RGL3: variants seen among roughly 807,000 people sequenced by gnomAD.
RGL3 encodes the protein ral guanine nucleotide dissociation stimulator-like 3.
Under a neutral mutation model 90.6 loss-of-function variants are expected in RGL3, and 85 were observed. The observed-to-expected ratio is 0.94, with a 90% CI of 0.79 to 1.12. RGL3 has a LOEUF of 1.12. Ranked by LOEUF, RGL3 falls within the 50% of genes most tolerant of loss-of-function variation. The probability of loss-of-function intolerance (pLI) is 0.00; values close to 1 mark genes in which losing one functional copy is unlikely to be tolerated. For missense variants in RGL3, 1,034 were observed against 939.2 expected (o/e 1.10, Z -1.32); for synonymous variants, 408 against 385.5 (o/e 1.06, Z -0.68).
intron 5 of RGL3, among the ~76,000 whole-genome samples, chr19:11,414,110 T>C (rs1968917704): frequency 1.6e-5 from 2 of 123,292 alleles, no homozygotes; most frequent in African/African-American, 3.1e-5. Flanking sequence ...GGAGCTCTAA[T>C]GACTTGGAAT....
intron 18 of RGL3, 137 bp downstream of exon 18, chr19:11,397,107 A>T: frequency 1.5e-6 from 1 of 674,196 alleles, no homozygotes; most frequent in East Asian, 2.6e-5. Context: ...TCCACTGATT[A>T]TCTTACCCCT....
In RGL3 at chr19:11,414,231, TTA is replaced by T. The variant is rs549575988; in HGVS notation, c.637+1704_637+1705del. ...TATATACCTTTATATATATATACCT[TTA>T]TATATATATATACCTTTATATATAT... On this transcript the variant is annotated intron_variant, in intron 5 of 18. Transcript: ENST00000380456. Among the ~76,000 whole-genome samples the T allele has an allele frequency of 6.0e-3, 434 of 72,440 alleles. 16 individuals are homozygous for T. The highest frequency in any genetic ancestry group is 0.016 in the African/African-American group (288 of 17,494). 47.5% of individuals were successfully genotyped at this position (72,440 alleles called of 152,430 possible). A position where few individuals can be genotyped will look rare whatever the true frequency, so the allele number is the denominator to read the frequency against.
rs534577845 is a variant in RGL3, at chr19:11,416,387, C to T, written c.425+227G>A. 79 of 619,222 alleles carry T rather than the reference C, an allele frequency of 1.3e-4. No individual in the cohort carries two copies. The South Asian group carries it at 1.3e-3, about 10-fold the overall frequency. The allele number at this position is 619,222 out of a possible 1,614,324, so 38.4% of individuals were successfully genotyped here. ...GTTGTTGTTGTATTTTTAGTAGAGA[C>T]AGGGTTTCGCCATATTGGCCAGGAT... is the stretch of plus-strand genomic sequence containing the variant. On this transcript the variant is annotated intron_variant, in intron 4 of 18. Transcript: ENST00000380456.
chr19:11,418,918 AG>A, intron 1 of RGL3, 134 bp from the exon 2 acceptor site: 2 of 730,358 alleles, frequency 2.7e-6, no homozygotes, highest in Non-Finnish European at 4.3e-6. Context: ...CTGCGAGACT[AG>A]GGCTGGGGTC....
chr19:11,417,619 G>A (rs1043202499), intron 2 of RGL3, among the ~76,000 whole-genome samples: 2 of 150,528 alleles, frequency 1.3e-5, no homozygotes, highest in African/African-American at 4.9e-5. Flanking sequence ...ACAGGCACCC[G>A]CCACCAAGCC....
At chr19:11,416,253 G>A (rs1292717055) in intron 4 of RGL3, 105 bp from the exon 5 acceptor site, 2 of 861,600 alleles carry the variant, frequency 2.3e-6, no homozygotes, top group Non-Finnish European at 3.4e-6. Context: ...GAGTCTTACT[G>A]TGTCACCAAG....
chr19:11,411,068 G>A (rs940872684), intron 5 of RGL3, among the ~76,000 whole-genome samples: 10 of 151,908 alleles, frequency 6.6e-5, no homozygotes, highest in African/African-American at 2.4e-4. Context: ...AATTAGCTGG[G>A]CGTGTTGGTG....
chr19:11,406,754 C>A lies in RGL3; in HGVS notation c.748G>T (p.Glu250Ter), dbSNP rs373806894. 1.9e-6 allele frequency: 3 copies of A among 1,614,050 alleles called. No homozygotes were observed. Among genetic ancestry groups the A allele is most frequent in the Non-Finnish European group, 2.5e-6 (3 of 1,180,016 alleles). ...GPQLLDFSVD[E>*]VAEQLTLIDL... is the part of the protein sequence containing the mutation. ...ATGAGGGTCAGCTGCTCGGCCACCT[C>A]GTCCACGCTGAAGTCCAGGAGCTGG... Residue 250 changes from glutamate (E) to a stop codon, truncating the protein, a stop_gained, in exon 6 of 19, where the codon GAG becomes TAG. Coordinates refer to ENST00000380456, the MANE Select transcript of RGL3 (RefSeq NM_001035223.4). LOFTEE classifies it high-confidence loss of function.
chr19:11,412,684 T>C (rs1264770758), intron 5 of RGL3, among the ~76,000 whole-genome samples: 1 of 151,764 alleles, frequency 6.6e-6, no homozygotes, highest in Non-Finnish European at 1.5e-5. Context: ...ATAAAATTCA[T>C]AGTCGGGTGC....
At chr19:11,405,491 CAT>C (rs1968760713) in intron 7 of RGL3, 65 bp from the exon 8 acceptor site, 2 of 139,998 alleles carry the variant, frequency 1.4e-5, no homozygotes, top group Non-Finnish European at 1.5e-5. Context: ...GAAACTTCTT[CAT>C]CTTTTTTTTT....
chr19:11,404,474 C>A (rs1968733496), intron 9 of RGL3, among the ~76,000 whole-genome samples: 1 of 152,110 alleles, frequency 6.6e-6, no homozygotes, highest in African/African-American at 2.4e-5. Context: ...TTGCAGTGAG[C>A]CAAGATCGTG....
intron 1 of RGL3, 82 bp from the exon 2 acceptor site, chr19:11,418,866 G>A: frequency 1.8e-6 from 2 of 1,129,264 alleles, no homozygotes; most frequent in Non-Finnish European, 1.2e-6. Context: ...GACTCGGGCC[G>A]AGTCCTCCTG....
At chr19:11,406,942 C>A in intron 5 of RGL3, 78 bp from the exon 6 acceptor site, 1 of 1,376,278 alleles carries the variant, frequency 7.3e-7, no homozygotes, top group South Asian at 1.3e-5. Context: ...GTCCCTGTCC[C>A]TCTCTGAGGC....
intron 18 of RGL3, chr19:11,394,730 A>C (rs1419480567): frequency 3.8e-6 from 2 of 522,402 alleles, no homozygotes; most frequent in Admixed American, 3.2e-5. Flanking sequence ...TTCCCTTATC[A>C]TAAGCCTGGG....
chr19:11,415,644 T>A (rs1968979755), intron 5 of RGL3, among the ~76,000 whole-genome samples: 1 of 150,304 alleles, frequency 6.7e-6, no homozygotes, highest in Non-Finnish European at 1.5e-5. Flanking sequence ...CCCGGCTAAT[T>A]TTGTATTTTT....
rs1460084234 is a variant in RGL3 at position 11,406,410 on chromosome 19, G to A, written c.996+9C>T. Reference sequence around the variant, plus strand: ...GCCCCCGCATCCCCTCTCCGCGCCCGCAACACACCTGGGCGATGCGGATCC... The same window carrying A: ...GCCCCCGCATCCCCTCTCCGCGCCCACAACACACCTGGGCGATGCGGATCC... On this transcript the variant is annotated intron_variant, in intron 7 of 18. Coordinates refer to ENST00000380456, the MANE Select transcript of RGL3 (RefSeq NM_001035223.4). 2.6e-5 allele frequency: 39 copies of A among 1,526,196 alleles called. No individual in the cohort carries two copies. The highest frequency in any genetic ancestry group is 3.4e-5 in the Non-Finnish European group (39 of 1,139,138). The allele number at this position is 1,526,196 out of a possible 1,614,324, so 94.5% of individuals were successfully genotyped here.
At chr19:11,399,763 CTG>C (rs1968638620) in intron 16 of RGL3, 90 bp downstream of exon 16, 4 of 707,354 alleles carry the variant, frequency 5.7e-6, no homozygotes, top group Non-Finnish European at 8.9e-6. Context: ...CCCCACAATC[CTG>C]TGTGTACACA....
chr19:11,395,100 A>C (rs1022029892), intron 18 of RGL3, among the ~76,000 whole-genome samples: 11 of 151,678 alleles, frequency 7.3e-5, no homozygotes, highest in East Asian at 1.9e-4. Context: ...CTCAAAAAAA[A>C]AAAAACAAAA....
intron 18 of RGL3, 56 bp from the exon 19 acceptor site, chr19:11,394,576 C>G: frequency 7.2e-7 from 1 of 1,380,318 alleles, no homozygotes; most frequent in Non-Finnish European, 1.0e-6. Flanking sequence ...GTCACCCCCA[C>G]AGAGGACCCG....
Sources: gnomAD v4.1 joint callset for allele counts (sites outside exome capture counted in the v4.1 genomes callset) on GRCh38, gnomAD v4.1.1 for gene constraint, MANE v1.5 for transcripts, NCBI Gene and HGNC (gene_info 2026-07-23, HGNC 2026-07-21) for gene names.